EHD4: variants seen among roughly 807,000 people sequenced by gnomAD.
EHD4 encodes EH domain-containing protein 4.
EHD4 carries 37 observed loss-of-function variants against 51.0 expected under a neutral mutation model. The ratio of observed to expected loss-of-function variants is 0.73; its 90% CI spans 0.56 to 0.95. The LOEUF (loss-of-function observed/expected upper bound fraction) is 0.95. Among genes scored for constraint, EHD4 ranks in the 40% least tolerant of loss-of-function variants. The pLI is 0.00. For missense variants in EHD4, 632 were observed against 733.1 expected, an observed-to-expected ratio of 0.86 and a Z score of 1.59; for synonymous variants, 297 against 317.3, an observed-to-expected ratio of 0.94 and a Z score of 0.68.
chr15:41,910,857 C>T (rs1421604231), intron 4 of EHD4, among the ~76,000 whole-genome samples: 1 of 152,162 alleles, frequency 6.6e-6, no homozygotes, highest in African/African-American at 2.4e-5. Context: ...GCATGAACCA[C>T]CATGCCCGGC....
intron 3 of EHD4, among the ~76,000 whole-genome samples, chr15:41,927,636 T>A (rs1469340543): frequency 6.6e-6 from 1 of 152,104 alleles, no homozygotes; most frequent in Non-Finnish European, 1.5e-5. Flanking sequence ...ATATGTAAAA[T>A]AGTCAAACAC....
In EHD4 at chr15:41,934,452, C is replaced by G. The variant is rs1421837893; in HGVS notation, c.511+8615G>C. Among the ~76,000 whole-genome samples the G allele has an allele frequency of 2.0e-5, 3 of 151,916 alleles. 1 individual carries two copies. On this transcript the variant is annotated intron_variant, in intron 3 of 5. Transcript: ENST00000220325. Reference sequence around the variant, plus strand: ...GCCTCGGCCTCCCAAGGAGATAGGACTACGAGAACACACCACCACACCCAA... The same window carrying G: ...GCCTCGGCCTCCCAAGGAGATAGGAGTACGAGAACACACCACCACACCCAA...
intron 1 of EHD4, among the ~76,000 whole-genome samples, chr15:41,957,227 G>A (rs2067893942): frequency 6.6e-6 from 1 of 152,160 alleles, no homozygotes; most frequent in South Asian, 2.1e-4. Flanking sequence ...CTACTTAAGA[G>A]GCTGGGGTGG....
chr15:41,966,450 G>T (rs184391509), intron 1 of EHD4, among the ~76,000 whole-genome samples: 1 of 152,228 alleles, frequency 6.6e-6, no homozygotes, highest in East Asian at 1.9e-4. Context: ...CCAGCTCTCA[G>T]GCCACGTGGT....
At chr15:41,946,927 T>C (rs1024265204) in intron 2 of EHD4, among the ~76,000 whole-genome samples, 47 of 152,174 alleles carry the variant, frequency 3.1e-4, no homozygotes, top group African/African-American at 1.0e-3. Context: ...AATAATAAAA[T>C]AGCACAAACA....
chr15:41,934,701 G>C (rs1326474609), intron 3 of EHD4, among the ~76,000 whole-genome samples: 1 of 152,110 alleles, frequency 6.6e-6, no homozygotes, highest in South Asian at 2.1e-4. Context: ...ATTTGCAGCC[G>C]TGTGGACTCC....
chr15:41,966,920 G>C (rs895199009), intron 1 of EHD4, among the ~76,000 whole-genome samples: 3 of 152,282 alleles, frequency 2.0e-5, no homozygotes, highest in Non-Finnish European at 2.9e-5. Context: ...TAAGAGTCCT[G>C]TGCAAGGACT....
At chr15:41,943,206 C>A in intron 2 of EHD4, 42 bp from the exon 3 acceptor site, 1 of 1,499,684 alleles carries the variant, frequency 6.7e-7, no homozygotes, top group Non-Finnish European at 9.1e-7. Context: ...AACTGGGCAT[C>A]ACAGAGTGCT....
Position 41,900,728 on chromosome 15 carries a change from G to A in EHD4, c.1543C>T (p.Leu515Phe), listed in dbSNP as rs991135590. Reference protein sequence around the residue: ...ALAKHLIKIKLDGYELPSSLP... With the variant: ...ALAKHLIKIKFDGYELPSSLP... Reference sequence around the variant, plus strand: ...CTGCTGGGCAGCTCGTAGCCGTCGAGCTTGATCTTGATGAGGTGCTTGGCC... The same window carrying A: ...CTGCTGGGCAGCTCGTAGCCGTCGAACTTGATCTTGATGAGGTGCTTGGCC... Residue 515 changes from leucine to phenylalanine, a missense_variant, in exon 6 of 6, where the codon CTC becomes TTC. Transcript: ENST00000220325. The surrounding 1 kb of genome is among the most constrained non-coding windows in gnomAD (Gnocchi z 4.8). 16 of 1,612,492 alleles carry A rather than the reference G, an allele frequency of 9.9e-6. No individual in the cohort carries two copies. The highest frequency in any genetic ancestry group is 1.3e-5 in the Non-Finnish European group (15 of 1,180,010).
intron 3 of EHD4, among the ~76,000 whole-genome samples, chr15:41,922,702 G>A (rs934464828): frequency 2.6e-5 from 4 of 152,188 alleles, no homozygotes; most frequent in African/African-American, 9.7e-5. Context: ...TAAAAAAGAT[G>A]CCATTTCAAT....
At chr15:41,960,556 T>A (rs2067917783) in intron 1 of EHD4, among the ~76,000 whole-genome samples, 1 of 152,200 alleles carries the variant, frequency 6.6e-6, no homozygotes, top group South Asian at 2.1e-4. Context: ...TAGCTTTCTA[T>A]TTTTTGCTGT....
chr15:41,930,889 AAACAGTC>A (rs2140993873), intron 3 of EHD4, among the ~76,000 whole-genome samples: 1 of 152,342 alleles, frequency 6.6e-6, no homozygotes, highest in Non-Finnish European at 1.5e-5. Flanking sequence ...CAGTATTTCA[AAACAGTC>A]AAATACCTCC....
intron 1 of EHD4, among the ~76,000 whole-genome samples, chr15:41,961,293 G>A (rs1566827634): frequency 6.6e-6 from 1 of 152,338 alleles, no homozygotes. Context: ...GTTTTGGGAG[G>A]AGGGTGAAAG....
intron 5 of EHD4, among the ~76,000 whole-genome samples, chr15:41,903,044 A>G (rs1385190789): frequency 6.6e-6 from 1 of 151,884 alleles, no homozygotes; most frequent in Non-Finnish European, 1.5e-5. Flanking sequence ...AGAGCTTTAC[A>G]TGACAGGCTT....
At chr15:41,923,311 G>T (rs1231008477) in intron 3 of EHD4, among the ~76,000 whole-genome samples, 4 of 152,102 alleles carry the variant, frequency 2.6e-5, no homozygotes, top group African/African-American at 9.7e-5. Flanking sequence ...ATGTGTCAGA[G>T]TCTCTCCCTC....
intron 5 of EHD4, among the ~76,000 whole-genome samples, chr15:41,906,988 G>A (rs1462472683): frequency 2.0e-5 from 3 of 152,182 alleles, no homozygotes; most frequent in African/African-American, 7.2e-5. Flanking sequence ...TGCTTTCCTT[G>A]TTGCCTTCCC....
At chr15:41,918,217 TACACACACAC>T (rs10682608) in intron 4 of EHD4, among the ~76,000 whole-genome samples, 3 of 147,290 alleles carry the variant, frequency 2.0e-5, no homozygotes, top group Admixed American at 6.7e-5. Context: ...CAGGGAGCTT[TACACACACAC>T]ACACACACAC....
chr15:41,906,242 CTG>C (rs2081127401), intron 5 of EHD4, among the ~76,000 whole-genome samples: 1 of 152,204 alleles, frequency 6.6e-6, no homozygotes, highest in African/African-American at 2.4e-5. Context: ...TGTTTTTACA[CTG>C]TTATGTCCAC....
At chr15:41,929,859 C>T (rs1445053734) in intron 3 of EHD4, among the ~76,000 whole-genome samples, 3 of 152,210 alleles carry the variant, frequency 2.0e-5, no homozygotes, top group Non-Finnish European at 4.4e-5. Context: ...CTGTATAGTA[C>T]AGACACGAAC....
Sources: allele counts gnomAD v4.1 joint callset (sites outside exome capture counted in the v4.1 genomes callset), GRCh38; gene constraint gnomAD v4.1.1; non-coding constraint Gnocchi (gnomAD v3.1); transcripts MANE v1.5; gene names NCBI Gene and HGNC (gene_info 2026-07-23, HGNC 2026-07-21).